RANBP10: variants seen among roughly 807,000 people sequenced by gnomAD.
RANBP10 encodes ran-binding protein 10.
A neutral mutation model predicts 72.8 loss-of-function variants in RANBP10; 24 were observed. That is an observed-to-expected ratio of 0.33 (90% CI 0.24 to 0.46). RANBP10 has a LOEUF of 0.46. Ranked by LOEUF, RANBP10 falls within the 20% of genes least tolerant of loss-of-function variation. The pLI is 1.00. For missense variants in RANBP10, 679 were observed against 817.5 expected, an observed-to-expected ratio of 0.83 and a Z score of 2.07; for synonymous variants, 310 against 322.3, an observed-to-expected ratio of 0.96 and a Z score of 0.41.
In RANBP10 at chr16:67,730,268, G is replaced by A. The variant is rs187603420; in HGVS notation, c.890-222C>T. ...AGTCCTCAAGAATATGGGGAAGATG[G>A]AGGGGAGACTCTCAGCCCAAAGGCA... On this transcript the variant is annotated intron_variant, in intron 7 of 13. Transcript: ENST00000317506. The surrounding 1 kb of genome is among the most constrained non-coding windows in gnomAD (Gnocchi z 4.3). 5.9e-4 allele frequency among the ~76,000 whole-genome samples: 90 copies of A among 152,328 alleles called. 1 individual carries two copies. The Middle Eastern group carries it at 0.031, about 52-fold the overall frequency.
intron 3 of RANBP10, among the ~76,000 whole-genome samples, chr16:67,760,349 G>C (rs1180745412): frequency 6.6e-6 from 1 of 152,206 alleles, no homozygotes; most frequent in Non-Finnish European, 1.5e-5. Context: ...GTTCTGCCCT[G>C]ATCTCTGCTA....
Position 67,729,187 on chromosome 16 carries a change from G to C in RANBP10, c.1352+93C>G, listed in dbSNP as rs1378503417. 1 of 1,545,586 alleles carries C rather than the reference G, an allele frequency of 6.5e-7. No homozygotes were observed. The highest frequency in any genetic ancestry group is 2.3e-5 in the East Asian group (1 of 44,302). On this transcript the variant is annotated intron_variant, in intron 10 of 13. Transcript: ENST00000317506. The surrounding 1 kb of genome is among the most constrained non-coding windows in gnomAD (Gnocchi z 7.1). ...AGGCACAGACCTGAGATGGAGGCTG[G>C]GGGTGAAGGGCAGGGCGCTCAAAGG...
chr16:67,785,564 C>A (rs1258776096), intron 2 of RANBP10, among the ~76,000 whole-genome samples: 2 of 151,578 alleles, frequency 1.3e-5, no homozygotes, highest in South Asian at 4.2e-4. Context: ...CCCGTCTCCA[C>A]TAAAAATACA....
At chr16:67,726,626 G>A in intron 13 of RANBP10, 68 bp from the exon 14 acceptor site, 1 of 1,487,646 alleles carries the variant, frequency 6.7e-7, no homozygotes, top group Admixed American at 2.3e-5. Flanking sequence ...AAGTTCCCTT[G>A]GGGGTGGAAG....
intron 6 of RANBP10, among the ~76,000 whole-genome samples, chr16:67,733,149 G>C (rs997064008): frequency 6.6e-6 from 1 of 151,164 alleles, no homozygotes; most frequent in African/African-American, 2.4e-5. Flanking sequence ...AAAATCACTT[G>C]AGCCCAGAAG....
chr16:67,771,006 T>C (rs1418507278), intron 3 of RANBP10, among the ~76,000 whole-genome samples: 1 of 151,880 alleles, frequency 6.6e-6, no homozygotes, highest in Non-Finnish European at 1.5e-5. Context: ...CTCACGCCTG[T>C]TATCCCAACA....
At chr16:67,803,650 CAAAAA>C (rs1184321273) in intron 2 of RANBP10, among the ~76,000 whole-genome samples, 1 of 47,082 alleles carries the variant, frequency 2.1e-5, no homozygotes, top group African/African-American at 6.5e-5. Context: ...AACTCCGTCT[CAAAAA>C]AAAAAAAAAA....
intron 2 of RANBP10, 29 bp downstream of exon 2, chr16:67,805,399 G>A: frequency 3.2e-6 from 5 of 1,583,498 alleles, no homozygotes; most frequent in Non-Finnish European, 4.3e-6. Flanking sequence ...TCCATGATCA[G>A]GGAAAGAGGG....
intron 3 of RANBP10, among the ~76,000 whole-genome samples, chr16:67,761,077 G>A (rs1240301808): frequency 6.6e-6 from 1 of 152,200 alleles, no homozygotes; most frequent in African/African-American, 2.4e-5. Context: ...CTGCTTCCGA[G>A]TCATTTAGCC....
intron 2 of RANBP10, among the ~76,000 whole-genome samples, chr16:67,798,849 G>C (rs1026628889): frequency 1.3e-5 from 2 of 152,070 alleles, no homozygotes; most frequent in Non-Finnish European, 2.9e-5. Context: ...CAAAAGCATG[G>C]GTAGATCCAC....
chr16:67,762,537 C>A (rs1044264979), intron 3 of RANBP10: 1 of 152,134 alleles, frequency 6.6e-6, no homozygotes, highest in Non-Finnish European at 1.5e-5. Flanking sequence ...TGTCTATTTC[C>A]CCATATGACC....
At chr16:67,756,720 CAAAACAA>C (rs1018715133) in intron 3 of RANBP10, among the ~76,000 whole-genome samples, 3 of 151,918 alleles carry the variant, frequency 2.0e-5, no homozygotes, top group Non-Finnish European at 4.4e-5. Flanking sequence ...AAACAAAAAA[CAAAACAA>C]AAAACACCCC....
intron 2 of RANBP10, among the ~76,000 whole-genome samples, chr16:67,793,306 T>TA (rs1443633549): frequency 6.7e-6 from 1 of 149,218 alleles, no homozygotes; most frequent in Non-Finnish European, 1.5e-5. Context: ...GGCTGGCTTG[T>TA]AATTTTTTTT....
Position 67,764,060 on chromosome 16 carries a change from T to C in RANBP10, c.400+7974A>G, listed in dbSNP as rs970474048. Among the ~76,000 whole-genome samples, 17 of 152,316 alleles carry C rather than the reference T, an allele frequency of 1.1e-4. 1 individual carries two copies. The highest frequency in any genetic ancestry group is 1.5e-4 in the Non-Finnish European group (10 of 68,026). On this transcript the variant is annotated intron_variant, in intron 3 of 13. Transcript: ENST00000317506. ...GAACAGAGAAAAGAGCAGTCCAATGTACAGGTGGAAATCAGGGAGATGCAG... is the reference window on the plus strand; with the variant it reads ...GAACAGAGAAAAGAGCAGTCCAATGCACAGGTGGAAATCAGGGAGATGCAG...
chr16:67,801,390 G>A (rs974261841), intron 2 of RANBP10, among the ~76,000 whole-genome samples: 4 of 152,140 alleles, frequency 2.6e-5, no homozygotes, highest in African/African-American at 7.2e-5. Context: ...GGGAAAGGCA[G>A]CAGCAGCATG....
chr16:67,723,968 C>A lies in RANBP10; in HGVS notation c.*2460G>T, dbSNP rs1358863045. 1 of 152,656 alleles carries A rather than the reference C, an allele frequency of 6.6e-6. No homozygotes were observed. Among genetic ancestry groups the A allele is most frequent in the Non-Finnish European group, 1.5e-5 (1 of 68,130 alleles). The allele number at this position is 152,656 out of a possible 1,614,324, so 9.5% of individuals were successfully genotyped here. ...TGAGCTGCCCAACTGGGACAGAGAG[C>A]CCCTCTGGAGAGGAACAGAGTAAAC... On this transcript the variant is annotated 3_prime_UTR_variant, in exon 14 of 14. Coordinates refer to ENST00000317506, the MANE Select transcript of RANBP10 (RefSeq NM_020850.3).
At chr16:67,794,941 A>C (rs866994083) in intron 2 of RANBP10, among the ~76,000 whole-genome samples, 12 of 149,040 alleles carry the variant, frequency 8.1e-5, no homozygotes, top group South Asian at 2.1e-4. Context: ...AAAAAAAAAA[A>C]AAAACAAAAA....
intron 6 of RANBP10, among the ~76,000 whole-genome samples, chr16:67,734,620 C>T (rs1179447521): frequency 6.6e-6 from 1 of 152,134 alleles, no homozygotes; most frequent in Non-Finnish European, 1.5e-5. Flanking sequence ...TATACAGGAG[C>T]CTCCAATATG....
At chr16:67,763,194 G>C (rs2054430859) in intron 3 of RANBP10, among the ~76,000 whole-genome samples, 1 of 152,230 alleles carries the variant, frequency 6.6e-6, no homozygotes. Flanking sequence ...TGCATACAGA[G>C]AGGAGAGCAG....
Sources: gnomAD v4.1 joint callset for allele counts (sites outside exome capture counted in the v4.1 genomes callset) on GRCh38, gnomAD v4.1.1 for gene constraint, Gnocchi (gnomAD v3.1) non-coding constraint, MANE v1.5 for transcripts, NCBI Gene and HGNC (gene_info 2026-07-23, HGNC 2026-07-21) for gene names.